The following KCNB2 variants were observed in gnomAD, a reference collection of about 807,000 sequenced individuals.
KCNB2 encodes potassium voltage-gated channel subfamily B member 2, also known as delayed rectifier potassium channel protein.
A neutral mutation model predicts 61.5 loss-of-function variants in KCNB2; 15 were observed. That is an observed-to-expected ratio of 0.24 (90% CI 0.16 to 0.38). The LOEUF is 0.38. Among genes scored for constraint, KCNB2 ranks in the 10% least tolerant of loss-of-function variants. The pLI is 1.00. For missense variants in KCNB2, 828 were observed against 1,125.2 expected, an observed-to-expected ratio of 0.74 and a Z score of 3.78; for synonymous variants, 457 against 446.0, an observed-to-expected ratio of 1.02 and a Z score of -0.31.
chr8:72,819,550 A>G (rs2129000970), intron 2 of KCNB2, among the ~76,000 whole-genome samples: 1 of 152,298 alleles, frequency 6.6e-6, no homozygotes, highest in African/African-American at 2.4e-5. Context: ...CAATAGGAAT[A>G]GGAATCAATA....
rs572797454 is a variant in KCNB2, at chr8:72,600,572, A to G, written c.579+32259A>G. Among the ~76,000 whole-genome samples the G allele has an allele frequency of 1.8e-3, 271 of 152,128 alleles. 3 individuals are homozygous for G. The highest frequency in any genetic ancestry group is 6.1e-3 in the African/African-American group (251 of 41,476). On this transcript the variant is annotated intron_variant, in intron 2 of 2. Coordinates refer to ENST00000523207, the MANE Select transcript of KCNB2 (RefSeq NM_004770.3). ...ACAAACCTGTACGTTGTGTACATGT[A>G]CCCTAAAACTTAAAGTATAATAATA...
intron 2 of KCNB2, among the ~76,000 whole-genome samples, chr8:72,833,403 G>A (rs1585919399): frequency 6.6e-6 from 1 of 152,232 alleles, no homozygotes; most frequent in East Asian, 1.9e-4. Context: ...ATGTCAACAA[G>A]GAACAGATAA....
At position 72,758,875 on chromosome 8, in the gene KCNB2, G is replaced by A. The variant is rs148093499; in HGVS notation, c.580-177060G>A. Among the ~76,000 whole-genome samples the A allele has an allele frequency of 7.2e-5, 11 of 152,318 alleles. 1 individual carries two copies. Among genetic ancestry groups the A allele is most frequent in the African/African-American group, 2.6e-4 (11 of 41,576 alleles). On this transcript the variant is annotated intron_variant, in intron 2 of 2. Coordinates refer to ENST00000523207, the MANE Select transcript of KCNB2 (RefSeq NM_004770.3). ...AATGGAGAAAAAACAGAACTCTGCTGACTAACCTGGTTTGACATTTACTTA... is the reference window on the plus strand; with the variant it reads ...AATGGAGAAAAAACAGAACTCTGCTAACTAACCTGGTTTGACATTTACTTA...
At chr8:72,864,586 T>C (rs949762493) in intron 2 of KCNB2, among the ~76,000 whole-genome samples, 7 of 152,174 alleles carry the variant, frequency 4.6e-5, no homozygotes, top group Non-Finnish European at 1.0e-4. Flanking sequence ...TCTGAGCTAA[T>C]GATTAAGGAT....
At chr8:72,835,273 A>C (rs1379901948) in intron 2 of KCNB2, among the ~76,000 whole-genome samples, 1 of 152,236 alleles carries the variant, frequency 6.6e-6, no homozygotes, top group Non-Finnish European at 1.5e-5. Context: ...AGAAAGAAAT[A>C]ATATACCTCA....
chr8:72,847,332 C>A (rs1810012661), intron 2 of KCNB2, among the ~76,000 whole-genome samples: 1 of 152,210 alleles, frequency 6.6e-6, no homozygotes, highest in Admixed American at 6.5e-5. Context: ...CCCTTTACAA[C>A]ATCGCCCCCT....
intron 2 of KCNB2, among the ~76,000 whole-genome samples, chr8:72,651,654 C>T (rs1806212442): frequency 6.6e-6 from 1 of 151,994 alleles, no homozygotes; most frequent in African/African-American, 2.4e-5. Flanking sequence ...ATAGTCAATT[C>T]CAAGCACTTT....
intron 2 of KCNB2, among the ~76,000 whole-genome samples, chr8:72,677,885 A>G (rs1397219669): frequency 3.9e-5 from 6 of 152,208 alleles, no homozygotes; most frequent in African/African-American, 1.2e-4. Flanking sequence ...TAAAACATCC[A>G]GTCCTCCTGG....
intron 2 of KCNB2, among the ~76,000 whole-genome samples, chr8:72,835,975 T>C (rs1021827890): frequency 2.6e-5 from 4 of 152,220 alleles, no homozygotes; most frequent in African/African-American, 9.6e-5. Context: ...TTTGTAATAA[T>C]TCATATTTAA....
intron 2 of KCNB2, among the ~76,000 whole-genome samples, chr8:72,659,986 A>G (rs1806353397): frequency 6.6e-6 from 1 of 152,192 alleles, no homozygotes; most frequent in East Asian, 1.9e-4. Flanking sequence ...ATCCCTGTAA[A>G]ATTAAATGGA....
At chr8:72,890,372 T>C (rs1294136482) in intron 2 of KCNB2, among the ~76,000 whole-genome samples, 1 of 152,146 alleles carries the variant, frequency 6.6e-6, no homozygotes, top group Non-Finnish European at 1.5e-5. Context: ...GCAGACACAA[T>C]ACAAGTAAGT....
chr8:72,644,455 T>C (rs558626449), intron 2 of KCNB2, among the ~76,000 whole-genome samples: 15 of 152,270 alleles, frequency 9.9e-5, no homozygotes, highest in African/African-American at 3.4e-4. Context: ...ACTTGCAATG[T>C]AATATGGTGG....
In KCNB2 at chr8:72,793,088, C is replaced by T. The variant is rs529149885; in HGVS notation, c.580-142847C>T. 7.9e-5 allele frequency among the ~76,000 whole-genome samples: 12 copies of T among 152,282 alleles called. No individual in the cohort carries two copies. In the East Asian group the frequency reaches 2.3e-3, roughly 29 times the overall value. On this transcript the variant is annotated intron_variant, in intron 2 of 2. Transcript: ENST00000523207. ...AAATGTCCTGGATTTTCCAGTACAG[C>T]ATCAATTTCAAATATCCTTTCGTAT...
At chr8:72,771,771 G>T (rs767916855) in intron 2 of KCNB2, among the ~76,000 whole-genome samples, 1 of 152,192 alleles carries the variant, frequency 6.6e-6, no homozygotes, top group Non-Finnish European at 1.5e-5. Context: ...TATTCAAGGA[G>T]CTGGAAAGAG....
At chr8:72,775,083 C>T (rs1036589737) in intron 2 of KCNB2, among the ~76,000 whole-genome samples, 1 of 152,162 alleles carries the variant, frequency 6.6e-6, no homozygotes. Context: ...TTGACACAGA[C>T]CACACCTCAC....
At position 72,881,876 on chromosome 8, in the gene KCNB2, C is replaced by T. The variant is rs904966952; in HGVS notation, c.580-54059C>T. On this transcript the variant is annotated intron_variant, in intron 2 of 2. Coordinates refer to ENST00000523207, the MANE Select transcript of KCNB2 (RefSeq NM_004770.3). ...CCTTCTGCTGCGGCCAGAAAAGAGC[C>T]AGTGAAAACCACTCAGAACTTCCCT... 3.9e-5 allele frequency: 6 copies of T among 152,112 alleles called. No homozygotes were observed. The East Asian group carries it at 1.2e-3, about 29-fold the overall frequency. 9.4% of individuals were successfully genotyped at this position (152,112 alleles called of 1,614,324 possible). A position where few individuals can be genotyped will look rare whatever the true frequency, so the allele number is the denominator to read the frequency against.
chr8:72,683,889 G>A (rs551277726), intron 2 of KCNB2, among the ~76,000 whole-genome samples: 3 of 152,278 alleles, frequency 2.0e-5, no homozygotes, highest in South Asian at 4.1e-4. Flanking sequence ...GGTTGGAAAC[G>A]TTGGCAGGAG....
rs373865562 is a variant in KCNB2, at chr8:72,706,407, A to G, written c.579+138094A>G. 1.2e-4 allele frequency among the ~76,000 whole-genome samples: 18 copies of G among 152,346 alleles called. No individual in the cohort carries two copies. The East Asian group carries it at 2.9e-3, about 24-fold the overall frequency. ...TACAACATTTTTAAAAAGTAAAAAAATATAAGTGTAGTCCACAGTGACCCA... is the reference window on the plus strand; with the variant it reads ...TACAACATTTTTAAAAAGTAAAAAAGTATAAGTGTAGTCCACAGTGACCCA... On this transcript the variant is annotated intron_variant, in intron 2 of 2. Coordinates refer to ENST00000523207, the MANE Select transcript of KCNB2 (RefSeq NM_004770.3).
At chr8:72,849,797 C>T (rs1384331818) in intron 2 of KCNB2, among the ~76,000 whole-genome samples, 1 of 151,706 alleles carries the variant, frequency 6.6e-6, no homozygotes, top group Non-Finnish European at 1.5e-5. Flanking sequence ...ATCCTATTAT[C>T]ATTGCTCTGA....
Sources: gnomAD v4.1 joint callset for allele counts (sites outside exome capture counted in the v4.1 genomes callset) on GRCh38, gnomAD v4.1.1 for gene constraint, MANE v1.5 for transcripts, NCBI Gene and HGNC (gene_info 2026-07-23, HGNC 2026-07-21) for gene names.